Variants in DRC1 observed in about 807,000 individuals in gnomAD.
The protein encoded by DRC1 is dynein regulatory complex subunit 1.
A neutral mutation model predicts 98.7 loss-of-function variants in DRC1; 74 were observed. That is an observed-to-expected ratio of 0.75 (90% confidence interval 0.62 to 0.91). The LOEUF (loss-of-function observed/expected upper bound fraction) is 0.91, where lower values mean the gene tolerates loss of function less well. Among genes scored for constraint, DRC1 ranks in the 40% least tolerant of loss-of-function variants. DRC1 has a pLI of 0.00. For missense variants in DRC1, 875 were observed against 886.0 expected (o/e 0.99, Z 0.16); for synonymous variants, 336 against 334.1 (o/e 1.01, Z -0.06).
At chr2:26,448,626 G>C in intron 10 of DRC1, 65 bp from the exon 11 acceptor site, 2 of 1,529,660 alleles carry the variant, frequency 1.3e-6, no homozygotes, top group East Asian at 2.3e-5. Flanking sequence ...CTGTTTCTCA[G>C]AGTCAACTAG....
chr2:26,404,054 C>A (rs1417270469), intron 1 of DRC1, among the ~76,000 whole-genome samples: 1 of 150,266 alleles, frequency 6.7e-6, no homozygotes, highest in East Asian at 2.0e-4. Flanking sequence ...GAGCTGAGAT[C>A]GTGCCATTGC....
chr2:26,453,254 T>C lies in DRC1; in HGVS notation c.1690-66T>C, dbSNP rs1664052553. On this transcript the variant is annotated intron_variant, in intron 13 of 16. Transcript: ENST00000288710. ...AAACTTTTCTGGTTTTTCTTCTTCC[T>C]GCCTCTCTCTCCATGCTCATGCTCG... is the stretch of plus-strand genomic sequence containing the variant. The C allele has an allele frequency of 3.2e-6, 5 of 1,569,442 alleles. 1 individual carries two copies. In the South Asian group the frequency reaches 5.9e-5, roughly 18 times the overall value.
chr2:26,444,239 A>G lies in DRC1; in HGVS notation c.1046A>G (p.Asn349Ser). The G allele has an allele frequency of 1.9e-6, 3 of 1,614,194 alleles. No individual in the cohort carries two copies. The highest frequency in any genetic ancestry group is 2.5e-6 in the Non-Finnish European group (3 of 1,180,038). Residue 349 changes from asparagine (N) to serine (S), a missense_variant, in exon 9 of 17, where the codon AAC becomes AGC. Coordinates refer to ENST00000288710, the MANE Select transcript of DRC1 (RefSeq NM_145038.5). ...RKINRLHDIL[N>S]NLRSKYAKQI... ...TCAACCAGCCTGCATGATATACTTA[A>G]CAATCTGAGATCAAAATATGCCAAG...
intron 5 of DRC1, chr2:26,430,433 G>T: frequency 2.2e-6 from 1 of 455,422 alleles, no homozygotes; most frequent in Non-Finnish European, 4.6e-6. Context: ...CCCAACCATG[G>T]CAACGAACGC....
intron 2 of DRC1, among the ~76,000 whole-genome samples, chr2:26,415,454 T>C (rs6722027): frequency 0.76 from 116,230 of 152,002 alleles, 46,610 homozygotes; most frequent in Non-Finnish European, 0.89. Context: ...TTCACGTTGC[T>C]GAATATGATT....
intron 8 of DRC1, among the ~76,000 whole-genome samples, chr2:26,442,475 CT>C (rs1663743063): frequency 6.6e-6 from 1 of 152,126 alleles, no homozygotes; most frequent in Admixed American, 6.5e-5. Flanking sequence ...TATTTGTTTC[CT>C]TTGGTGGTTC....
chr2:26,437,326 G>A (rs746271116), intron 7 of DRC1, among the ~76,000 whole-genome samples: 3 of 152,168 alleles, frequency 2.0e-5, no homozygotes, highest in East Asian at 1.9e-4. Flanking sequence ...GGTCCTTTGG[G>A]ATACTGTTCA....
chr2:26,431,848 G>A (rs575111300), intron 6 of DRC1, 36 bp from the exon 7 acceptor site: 10 of 1,611,582 alleles, frequency 6.2e-6, no homozygotes, highest in Non-Finnish European at 8.5e-6. Flanking sequence ...GGCAAGGATG[G>A]TCCCTAACTT....
intron 4 of DRC1, among the ~76,000 whole-genome samples, chr2:26,424,972 A>C (rs953077196): frequency 2.6e-5 from 4 of 152,088 alleles, no homozygotes; most frequent in Non-Finnish European, 5.9e-5. Context: ...AAAACCAAAA[A>C]ACTGTATAGT....
At chr2:26,409,596 A>G (rs1345157820) in intron 1 of DRC1, among the ~76,000 whole-genome samples, 2 of 152,230 alleles carry the variant, frequency 1.3e-5, no homozygotes, top group Non-Finnish European at 2.9e-5. Flanking sequence ...GGTACATCTC[A>G]GACAAGATAG....
chr2:26,445,301 T>C (rs1029234587), intron 10 of DRC1, among the ~76,000 whole-genome samples: 4 of 152,162 alleles, frequency 2.6e-5, no homozygotes, highest in Non-Finnish European at 4.4e-5. Flanking sequence ...TGCAAAATGG[T>C]GATATGTTAG....
intron 1 of DRC1, among the ~76,000 whole-genome samples, chr2:26,413,393 G>A (rs1473739274): frequency 6.6e-6 from 1 of 152,176 alleles, no homozygotes. Context: ...CAGAGGGAAG[G>A]CACATTTAAG....
At chr2:26,439,745 A>G (rs1663662007) in intron 7 of DRC1, among the ~76,000 whole-genome samples, 1 of 151,452 alleles carries the variant, frequency 6.6e-6, no homozygotes, top group Non-Finnish European at 1.5e-5. Context: ...CTTAGGCTTT[A>G]GGTACACAGA....
Position 26,402,018 on chromosome 2 carries a change from T to C in DRC1, c.29T>C (p.Leu10Pro). ...AATCCGCCGGGGTCCCTAGAGGCCCTGGACCCGAACGTGGACGAGCACTTG... is the reference window on the plus strand; with the variant it reads ...AATCCGCCGGGGTCCCTAGAGGCCCCGGACCCGAACGTGGACGAGCACTTG... MNPPGSLEA[L>P]DPNVDEHLST... is the part of the protein sequence containing the mutation. The change falls in exon 1 of 17, where the codon CTG (leucine) becomes CCG (proline). Residue 10 changes from leucine (L) to proline (P), a missense_variant. Physicochemically the swap from Leu to Pro is moderately conservative, Grantham distance 98. Transcript: ENST00000288710. 5.0e-6 allele frequency: 8 copies of C among 1,611,154 alleles called. No individual in the cohort carries two copies. The highest frequency in any genetic ancestry group is 6.8e-6 in the Non-Finnish European group (8 of 1,178,998).
At chr2:26,432,488 G>C (rs1158990121) in intron 7 of DRC1, among the ~76,000 whole-genome samples, 2 of 150,026 alleles carry the variant, frequency 1.3e-5, no homozygotes, top group African/African-American at 5.0e-5. Context: ...AACAGAGCAA[G>C]ACTTTGTGAG....
At chr2:26,436,929 C>T (rs1013046137) in intron 7 of DRC1, among the ~76,000 whole-genome samples, 1 of 152,044 alleles carries the variant, frequency 6.6e-6, no homozygotes, top group African/African-American at 2.4e-5. Flanking sequence ...AGAGCAGTTC[C>T]GAAGACCCTC....
intron 4 of DRC1, 97 bp downstream of exon 4, chr2:26,424,551 C>T: frequency 8.1e-7 from 1 of 1,235,398 alleles, no homozygotes. Context: ...AATGTAGAAA[C>T]CTTTTACTTC....
At chr2:26,445,701 C>T (rs1663832293) in intron 10 of DRC1, among the ~76,000 whole-genome samples, 1 of 152,022 alleles carries the variant, frequency 6.6e-6, no homozygotes, top group African/African-American at 2.4e-5. Context: ...GCTCTGTTGC[C>T]AGGCTGGATT....
chr2:26,455,484 G>A (rs1442759668), intron 16 of DRC1, among the ~76,000 whole-genome samples: 1 of 152,218 alleles, frequency 6.6e-6, no homozygotes, highest in Admixed American at 6.5e-5. Context: ...GGTGCCAGTG[G>A]CCAGCTGGGA....
Sources: allele counts gnomAD v4.1 joint callset (sites outside exome capture counted in the v4.1 genomes callset), GRCh38; gene constraint gnomAD v4.1.1; transcripts MANE v1.5; gene names NCBI Gene and HGNC (gene_info 2026-07-23, HGNC 2026-07-21).